MAGEB1: variants seen among roughly 807,000 people sequenced by gnomAD.
MAGEB1 encodes the protein MAGE family member B1.
For synonymous variants in MAGEB1, 99 were observed against 105.7 expected, an observed-to-expected ratio of 0.94 and a Z score of 0.39; for missense variants, 290 against 286.7, an observed-to-expected ratio of 1.01 and a Z score of -0.08.
chrX:30,246,328 G>A (rs1259623236), upstream of MAGEB1: 16 of 112,374 alleles, frequency 1.4e-4, no homozygotes, highest in Non-Finnish European at 1.9e-5. Flanking sequence ...TCATCCAGGA[G>A]TACAACTCGA....
chrX:30,251,653 T>G lies in MAGEB1; in HGVS notation c.*116T>G. The G allele has an allele frequency of 3.4e-6, 2 of 582,299 alleles. No individual in the cohort carries two copies. The highest frequency in any genetic ancestry group is 7.5e-5 in the Admixed American group (2 of 26,564). 48.0% of individuals were successfully genotyped at this position (582,299 alleles called of 1,213,427 possible). A position where few individuals can be genotyped will look rare whatever the true frequency, so the allele number is the denominator to read the frequency against. On this transcript the variant is annotated 3_prime_UTR_variant, in exon 2 of 2. Transcript: ENST00000397548. ...ATATATATCTCCTTTGTGTTCCTGT[T>G]AAACATTAGTATCTTTCAAGTGTTT...
chrX:30,244,486 G>A (rs1313298648), upstream of MAGEB1, among the ~76,000 whole-genome samples: 1 of 111,770 alleles, frequency 8.9e-6, no homozygotes, highest in Non-Finnish European at 1.9e-5. Context: ...ATCATATAAC[G>A]AAGGTAATGA....
At position 30,250,775 on chromosome X, in the gene MAGEB1, C is replaced by T. The variant is rs1925486526; in HGVS notation, c.282C>T (p.Ser94=). The change falls in exon 2 of 2, where the codon TCC becomes TCT. Residue 94 remains serine (S), a synonymous_variant. Transcript: ENST00000397548. Reference sequence around the variant, plus strand: ...AAGGTGAGGAAAATGCAAGTTTCTCCCAGGCCACAACATCCACTGAGAGCT... The same window carrying T: ...AAGGTGAGGAAAATGCAAGTTTCTCTCAGGCCACAACATCCACTGAGAGCT... ...KCQGEENASF[S]QATTSTESSV... is the part of the protein sequence containing the mutation. 8.3e-7 allele frequency: 1 copy of T among 1,210,063 alleles called. No homozygotes were observed. Among genetic ancestry groups the T allele is most frequent in the African/African-American group, 1.7e-5 (1 of 57,359 alleles).
Position 30,250,584 on chromosome X carries a change from A to G in MAGEB1, c.91A>G (p.Thr31Ala), listed in dbSNP as rs753030555. ...CCAGGGTCTCAAGGTTGCTCACGCC[A>G]CTGCAGCAGAGAAAGAGGAGTGCCC... ...ETQGLKVAHA[T>A]AAEKEECPSS... is the part of the protein sequence containing the mutation. The change falls in exon 2 of 2, where the codon ACT becomes GCT. Residue 31 changes from threonine (T) to alanine (A), a missense_variant. Thr to Ala is a moderately conservative substitution (Grantham distance 58). Transcript: ENST00000397548. 3 of 1,207,114 alleles carry G rather than the reference A, an allele frequency of 2.5e-6. No individual in the cohort carries two copies. The highest frequency in any genetic ancestry group is 3.0e-5 in the East Asian group (1 of 33,586).
chrX:30,249,434 G>A (rs773898009), intron 1 of MAGEB1, among the ~76,000 whole-genome samples: 6 of 111,154 alleles, frequency 5.4e-5, no homozygotes, highest in Non-Finnish European at 5.7e-5. Context: ...GAAGCCCCGA[G>A]CATAAATGTC....
upstream of MAGEB1, among the ~76,000 whole-genome samples, chrX:30,245,085 G>C (rs1300577152): frequency 9.0e-6 from 1 of 111,400 alleles, no homozygotes; most frequent in East Asian, 2.8e-4. Flanking sequence ...AGACTGGTTT[G>C]GATGAAAGGT....
At position 30,251,186 on chromosome X, in the gene MAGEB1, T is replaced by C; in HGVS notation, c.693T>C (p.Asp231=). 1 of 1,211,415 alleles carries C rather than the reference T, an allele frequency of 8.3e-7. No individual in the cohort carries two copies. The highest frequency in any genetic ancestry group is 1.1e-6 in the Non-Finnish European group (1 of 895,267). ...TCATGAATGTGTTGGGAGCCTATGA[T>C]GGAGAGGAGCACTTAATCTATGGGG... ...WKFMNVLGAY[D]GEEHLIYGEP... Residue 231 remains aspartate (D), a synonymous_variant, in exon 2 of 2, where the codon GAT becomes GAC. Transcript: ENST00000397548.
upstream of MAGEB1, among the ~76,000 whole-genome samples, chrX:30,244,788 T>C (rs1925256095): frequency 8.9e-6 from 1 of 111,785 alleles, no homozygotes; most frequent in Non-Finnish European, 1.9e-5. Flanking sequence ...AGGGGATCTT[T>C]GCCTGGAGCA....
chrX:30,247,715 C>T (rs1320413220), intron 1 of MAGEB1, among the ~76,000 whole-genome samples: 3 of 111,479 alleles, frequency 2.7e-5, no homozygotes, highest in African/African-American at 6.5e-5. Flanking sequence ...GAGGCCGAGG[C>T]AGGCGGATCA....
chrX:30,248,688 C>T (rs1408583222), intron 1 of MAGEB1, among the ~76,000 whole-genome samples: 3 of 111,290 alleles, frequency 2.7e-5, no homozygotes, highest in African/African-American at 9.8e-5. Context: ...TCACTTCTTC[C>T]TAGAGCATCT....
At chrX:30,244,821 C>T (rs746760494), upstream of MAGEB1, among the ~76,000 whole-genome samples, 8 of 111,488 alleles carry the variant, frequency 7.2e-5, no homozygotes, top group Non-Finnish European at 1.5e-4. Context: ...GGCCGGTGCT[C>T]TTGTCCCAGT....
intron 1 of MAGEB1, among the ~76,000 whole-genome samples, chrX:30,248,421 G>A (rs779853014): frequency 2.7e-5 from 3 of 112,298 alleles, no homozygotes; most frequent in South Asian, 3.7e-4. Flanking sequence ...TTACCTTGGC[G>A]TTCATTCCTT....
upstream of MAGEB1, among the ~76,000 whole-genome samples, chrX:30,245,532 C>A (rs1328281316): frequency 9.0e-6 from 1 of 111,464 alleles, no homozygotes; most frequent in African/African-American, 3.3e-5. Context: ...GGTCTGAATT[C>A]CTCTAGAGCC....
chrX:30,244,876 G>A (rs761112005), upstream of MAGEB1, among the ~76,000 whole-genome samples: 3 of 111,979 alleles, frequency 2.7e-5, no homozygotes, highest in South Asian at 7.6e-4. Flanking sequence ...TTTTATGAGC[G>A]TAGTCCCCAG....
At chrX:30,246,446 G>C (rs1925306588), upstream of MAGEB1, 1 of 111,837 alleles carries the variant, frequency 8.9e-6, no homozygotes, top group African/African-American at 3.3e-5. Flanking sequence ...TGTGGACTAA[G>C]GGTAGCTAGC....
upstream of MAGEB1, among the ~76,000 whole-genome samples, chrX:30,244,418 A>G (rs1424772283): frequency 3.6e-5 from 4 of 111,844 alleles, no homozygotes; most frequent in Admixed American, 9.6e-5. Context: ...CAAAAAACAA[A>G]CAAACAACAA....
At position 30,247,946 on chromosome X, in the gene MAGEB1, G is replaced by GAAAAAA. The variant is rs57368527; in HGVS notation, c.-61+708_-61+713dup. Among the ~76,000 whole-genome samples, 144 of 45,936 alleles carry GAAAAAA rather than the reference G, an allele frequency of 3.1e-3. 13 individuals are homozygous for GAAAAAA. Among genetic ancestry groups the GAAAAAA allele is most frequent in the East Asian group, 0.02 (20 of 996 alleles). The allele number at this position is 45,936 out of a possible 115,157, so 39.9% of individuals were successfully genotyped here. A position where few individuals can be genotyped will look rare whatever the true frequency, so the allele number is the denominator to read the frequency against. On this transcript the variant is annotated intron_variant, in intron 1 of 1. Transcript: ENST00000397548. ...GTGACAGAGCGAGACTCAGTCTCAA[G>GAAAAAA]AAAAAAAAAAAAAAAAAAAAAAAGT...
Position 30,251,631 on chromosome X carries a change from T to A in MAGEB1, c.*94T>A. The A allele has an allele frequency of 1.4e-6, 1 of 694,259 alleles. No individual in the cohort carries two copies. The highest frequency in any genetic ancestry group is 2.2e-6 in the Non-Finnish European group (1 of 460,346). 57.2% of individuals were successfully genotyped at this position (694,259 alleles called of 1,213,427 possible). A position where few individuals can be genotyped will look rare whatever the true frequency, so the allele number is the denominator to read the frequency against. The stretch of plus-strand genomic sequence containing the variant: ...AGATATGGCTAGAGAGATCATCATA[T>A]ATATCTCCTTTGTGTTCCTGTTAAA... On this transcript the variant is annotated 3_prime_UTR_variant, in exon 2 of 2. Coordinates refer to ENST00000397548, the MANE Select transcript of MAGEB1 (RefSeq NM_177404.3).
chrX:30,248,317 A>C (rs1925397667), intron 1 of MAGEB1, among the ~76,000 whole-genome samples: 1 of 111,746 alleles, frequency 8.9e-6, no homozygotes. Flanking sequence ...TTCAGTAGAG[A>C]GATAGGAGTC....
Sources: allele counts gnomAD v4.1 joint callset (sites outside exome capture counted in the v4.1 genomes callset), GRCh38; gene constraint gnomAD v4.1.1; transcripts MANE v1.5; gene names NCBI Gene and HGNC (gene_info 2026-07-23, HGNC 2026-07-21).